The following BCL2 variants were observed in gnomAD, a reference collection of about 807,000 sequenced individuals.
BCL2 encodes apoptosis regulator Bcl-2.
Under a neutral mutation model 14.2 loss-of-function variants are expected in BCL2, and 1 was observed. That is an observed-to-expected ratio of 0.07 (90% confidence interval 0.02 to 0.33). BCL2 has a LOEUF of 0.33. BCL2 is among the 10% of genes least tolerant of loss of function. BCL2 has a pLI of 0.99. For missense variants in BCL2, 247 were observed against 305.9 expected (o/e 0.81, Z 1.44); for synonymous variants, 151 against 137.2 (o/e 1.10, Z -0.70).
intron 2 of BCL2, among the ~76,000 whole-genome samples, chr18:63,306,703 C>G (rs914333957): frequency 6.6e-6 from 1 of 152,238 alleles, no homozygotes; most frequent in Non-Finnish European, 1.5e-5. Context: ...CTTCTCATAG[C>G]TTTAAACATG....
intron 2 of BCL2, among the ~76,000 whole-genome samples, chr18:63,205,670 A>C (rs941727489): frequency 2.0e-5 from 3 of 152,204 alleles, no homozygotes; most frequent in African/African-American, 7.2e-5. Flanking sequence ...AAAAAACAAC[A>C]ACATTTGACT....
At chr18:63,310,764 A>C (rs577742965) in intron 2 of BCL2, among the ~76,000 whole-genome samples, 1 of 152,336 alleles carries the variant, frequency 6.6e-6, no homozygotes, top group South Asian at 2.1e-4. Context: ...CCCAGGGTTA[A>C]GTTTTGTGGA....
intron 2 of BCL2, among the ~76,000 whole-genome samples, chr18:63,225,312 A>G (rs1386801733): frequency 6.6e-6 from 1 of 152,234 alleles, no homozygotes; most frequent in African/African-American, 2.4e-5. Context: ...AGCTGTGGAT[A>G]TGATCATATC....
At chr18:63,305,071 A>G (rs2144292191) in intron 2 of BCL2, among the ~76,000 whole-genome samples, 1 of 152,302 alleles carries the variant, frequency 6.6e-6, no homozygotes, top group African/African-American at 2.4e-5. Flanking sequence ...CCTGGCTCAT[A>G]AGCGCATCCT....
chr18:63,212,461 A>G lies in BCL2; in HGVS notation c.586-83702T>C, dbSNP rs78555241. 8.1e-3 allele frequency among the ~76,000 whole-genome samples: 1,224 copies of G among 151,992 alleles called. 27 individuals carry two copies. The highest frequency in any genetic ancestry group is 0.028 in the African/African-American group (1,167 of 41,526). ...GATGCATTTAACAGCCACGTGAAGT[A>G]GACAGTCTCATTTTAGAGATCAGAA... On this transcript the variant is annotated intron_variant, in intron 2 of 2. Coordinates refer to ENST00000333681, the MANE Select transcript of BCL2 (RefSeq NM_000633.3).
At chr18:63,142,071 A>C (rs1476151892) in intron 2 of BCL2, among the ~76,000 whole-genome samples, 3 of 152,200 alleles carry the variant, frequency 2.0e-5, no homozygotes, top group African/African-American at 7.2e-5. Context: ...GGAGTCCTTC[A>C]TTTATTAAAC....
intron 2 of BCL2, among the ~76,000 whole-genome samples, chr18:63,294,326 G>A (rs897185579): frequency 3.9e-5 from 6 of 151,982 alleles, no homozygotes; most frequent in Non-Finnish European, 5.9e-5. Context: ...AGATCCAATA[G>A]CTTTTGTATC....
At chr18:63,179,227 T>C (rs1048117624) in intron 2 of BCL2, among the ~76,000 whole-genome samples, 1 of 152,014 alleles carries the variant, frequency 6.6e-6, no homozygotes, top group African/African-American at 2.4e-5. Context: ...TTCCTGTGAG[T>C]TGGGAATGCG....
intron 2 of BCL2, among the ~76,000 whole-genome samples, chr18:63,269,139 A>T (rs188741030): frequency 2.0e-5 from 3 of 152,064 alleles, no homozygotes; most frequent in Admixed American, 2.0e-4. Context: ...AATTCTATAG[A>T]GATGGGGTCT....
intron 2 of BCL2, among the ~76,000 whole-genome samples, chr18:63,145,788 A>C (rs776447959): frequency 2.0e-5 from 3 of 152,216 alleles, no homozygotes; most frequent in Non-Finnish European, 4.4e-5. Flanking sequence ...ACACCAAATT[A>C]AAGATGAACA....
In BCL2 at chr18:63,176,488, C is replaced by T. The variant is rs77302809; in HGVS notation, c.586-47729G>A. Among the ~76,000 whole-genome samples the T allele has an allele frequency of 3.6e-3, 541 of 152,156 alleles. 1 individual carries two copies. Among genetic ancestry groups the T allele is most frequent in the Middle Eastern group, 6.8e-3 (2 of 294 alleles). ...CTTGTTGATTGAATGAGTGAGTGAA[C>T]GAGTGAAAGAAAGGATGAATAAATC... is the stretch of plus-strand genomic sequence containing the variant. On this transcript the variant is annotated intron_variant, in intron 2 of 2. Coordinates refer to ENST00000333681, the MANE Select transcript of BCL2 (RefSeq NM_000633.3).
At chr18:63,296,688 T>TA (rs1912805276) in intron 2 of BCL2, among the ~76,000 whole-genome samples, 1 of 152,126 alleles carries the variant, frequency 6.6e-6, no homozygotes, top group South Asian at 2.1e-4. Flanking sequence ...TGCTCACCTG[T>TA]AAAAGTATGG....
rs867822754 is a variant in BCL2, at chr18:63,288,905, G to A, written c.585+29177C>T. The stretch of plus-strand genomic sequence containing the variant: ...TAGAATGCTGGCACATTTAGGCAGG[G>A]ATCTTGTTTTGCTTGCTGATAAACC... On this transcript the variant is annotated intron_variant, in intron 2 of 2. Coordinates refer to ENST00000333681, the MANE Select transcript of BCL2 (RefSeq NM_000633.3). 2.0e-5 allele frequency among the ~76,000 whole-genome samples: 3 copies of A among 152,274 alleles called. 1 individual carries two copies. In the South Asian group the frequency reaches 6.2e-4, roughly 32 times the overall value.
intron 2 of BCL2, among the ~76,000 whole-genome samples, chr18:63,205,653 C>A (rs1277187943): frequency 6.6e-6 from 1 of 152,056 alleles, no homozygotes; most frequent in East Asian, 1.9e-4. Context: ...ACAACCTCCT[C>A]TATTTAAAAA....
At chr18:63,258,139 C>T (rs1398768038) in intron 2 of BCL2, among the ~76,000 whole-genome samples, 1 of 152,188 alleles carries the variant, frequency 6.6e-6, no homozygotes, top group Non-Finnish European at 1.5e-5. Flanking sequence ...AGCTAAGGAC[C>T]GATGGCACTT....
At chr18:63,157,497 C>A (rs1462723261) in intron 2 of BCL2, among the ~76,000 whole-genome samples, 1 of 152,226 alleles carries the variant, frequency 6.6e-6, no homozygotes, top group Non-Finnish European at 1.5e-5. Context: ...GGCACCTACG[C>A]CTTGCTCTGT....
Position 63,318,148 on chromosome 18 carries a change from G to A in BCL2, c.519C>T (p.Ile173=), listed in dbSNP as rs368944844. ...TCAGGTACTCAGTCATCCACAGGGCGATGTTGTCCACCAGGGGCGACATCT... is the reference window on the plus strand; with the variant it reads ...TCAGGTACTCAGTCATCCACAGGGCAATGTTGTCCACCAGGGGCGACATCT... ...NREMSPLVDN[I]ALWMTEYLNR... is the part of the protein sequence containing the mutation. Residue 173 remains isoleucine (I), a synonymous_variant, in exon 2 of 3, where the codon ATC becomes ATT. Coordinates refer to ENST00000333681, the MANE Select transcript of BCL2 (RefSeq NM_000633.3). The surrounding 1 kb of genome is among the most constrained non-coding windows in gnomAD (Gnocchi z 7.4). 7.0e-5 allele frequency: 113 copies of A among 1,613,992 alleles called. No homozygotes were observed. The highest frequency in any genetic ancestry group is 1.6e-4 in the Middle Eastern group (1 of 6,084).
At chr18:63,161,047 A>T (rs1914909058) in intron 2 of BCL2, among the ~76,000 whole-genome samples, 1 of 152,162 alleles carries the variant, frequency 6.6e-6, no homozygotes, top group Non-Finnish European at 1.5e-5. Flanking sequence ...AATTTTTTTT[A>T]AATCACTTTT....
chr18:63,163,897 T>C (rs1914981483), intron 2 of BCL2, among the ~76,000 whole-genome samples: 1 of 152,210 alleles, frequency 6.6e-6, no homozygotes, highest in African/African-American at 2.4e-5. Context: ...GAGTCTGTGC[T>C]CTTAGTGGCT....
Sources: gnomAD v4.1 joint callset for allele counts (sites outside exome capture counted in the v4.1 genomes callset) on GRCh38, gnomAD v4.1.1 for gene constraint, Gnocchi (gnomAD v3.1) non-coding constraint, MANE v1.5 for transcripts, NCBI Gene and HGNC (gene_info 2026-07-23, HGNC 2026-07-21) for gene names.